LMLN: variants seen among roughly 807,000 people sequenced by gnomAD.
LMLN encodes the protein leishmanolysin like peptidase.
Under a neutral mutation model 92.3 loss-of-function variants are expected in LMLN, and 70 were observed. That is an observed-to-expected ratio of 0.76 (90% CI 0.63 to 0.92). The LOEUF (loss-of-function observed/expected upper bound fraction) is 0.92. Among genes scored for constraint, LMLN ranks in the 40% least tolerant of loss-of-function variants. The pLI is 0.00. For missense variants in LMLN, 691 were observed against 814.6 expected, an observed-to-expected ratio of 0.85 and a Z score of 1.85; for synonymous variants, 308 against 296.2, an observed-to-expected ratio of 1.04 and a Z score of -0.41.
intron 1 of LMLN, among the ~76,000 whole-genome samples, chr3:197,966,601 C>T (rs1721068129): frequency 6.6e-6 from 1 of 151,202 alleles, no homozygotes; most frequent in Non-Finnish European, 1.5e-5. Flanking sequence ...GTCTTTCCTG[C>T]ACCAGTTGAT....
intron 8 of LMLN, among the ~76,000 whole-genome samples, chr3:197,988,164 T>G (rs891097582): frequency 6.6e-6 from 1 of 151,954 alleles, no homozygotes; most frequent in African/African-American, 2.4e-5. Context: ...ATCTTTTTTT[T>G]TTTGAGATGG....
At chr3:197,994,295 C>G (rs1351881867) in intron 9 of LMLN, among the ~76,000 whole-genome samples, 1 of 152,004 alleles carries the variant, frequency 6.6e-6, no homozygotes, top group Admixed American at 6.6e-5. Flanking sequence ...GAAGCCTCTG[C>G]ACAGCAAAGG....
chr3:197,962,767 CT>C (rs200108423), intron 1 of LMLN, among the ~76,000 whole-genome samples: 1,464 of 135,308 alleles, frequency 0.011, 8 homozygotes, highest in African/African-American at 0.021. Context: ...GATCAATATC[CT>C]TTTTTTTTTT....
intron 11 of LMLN, among the ~76,000 whole-genome samples, chr3:198,015,327 C>T (rs541496317): frequency 3.0e-3 from 66 of 22,336 alleles, no homozygotes; most frequent in African/African-American, 0.013. Flanking sequence ...CTTCAGAGCC[C>T]CCTAACTAGT....
At chr3:197,985,513 A>T (rs1721681017) in intron 7 of LMLN, 1 of 210,260 alleles carries the variant, frequency 4.8e-6, no homozygotes, top group Non-Finnish European at 9.5e-6. Context: ...ATTATACGAC[A>T]GTAATTAATG....
intron 11 of LMLN, among the ~76,000 whole-genome samples, chr3:198,005,325 A>T (rs1003768223): frequency 2.0e-5 from 3 of 151,942 alleles, no homozygotes; most frequent in Non-Finnish European, 4.4e-5. Context: ...CATATCATAC[A>T]TGTATATATA....
chr3:197,985,918 T>G, intron 8 of LMLN, 28 bp downstream of exon 8: 1 of 1,391,672 alleles, frequency 7.2e-7, no homozygotes, highest in Non-Finnish European at 1.0e-6. Context: ...GCTCTTGTTC[T>G]CCTCTTTTAG....
At position 197,976,735 on chromosome 3, in the gene LMLN, G is replaced by A. The variant is rs556399370; in HGVS notation, c.549+20G>A. On this transcript the variant is annotated intron_variant, in intron 5 of 15. Transcript: ENST00000330198. ...CTCCAGGTATTTCACCCTGCTCTTG[G>A]CAGTGCTTTTACACCTGAGGAGATT... The A allele has an allele frequency of 3.8e-6, 5 of 1,307,236 alleles. No homozygotes were observed. In the South Asian group the frequency reaches 7.3e-5, roughly 19 times the overall value. 81.0% of individuals were successfully genotyped at this position (1,307,236 alleles called of 1,614,324 possible). A position where few individuals can be genotyped will look rare whatever the true frequency, so the allele number is the denominator to read the frequency against.
intron 9 of LMLN, among the ~76,000 whole-genome samples, chr3:197,993,956 TTGATTA>T (rs1721951015): frequency 6.6e-6 from 1 of 152,154 alleles, no homozygotes; most frequent in African/African-American, 2.4e-5. Flanking sequence ...ATTTATTGAC[TTGATTA>T]TGATTAACCA....
chr3:198,005,643 T>C (rs2109908545), intron 11 of LMLN, among the ~76,000 whole-genome samples: 1 of 150,940 alleles, frequency 6.6e-6, no homozygotes, highest in East Asian at 1.9e-4. Context: ...TTTTTCTTTT[T>C]TTTTTTTTTG....
intron 11 of LMLN, among the ~76,000 whole-genome samples, chr3:198,012,997 C>T (rs1385464801): frequency 8.3e-6 from 1 of 120,032 alleles, no homozygotes; most frequent in Non-Finnish European, 1.6e-5. Context: ...TCAGAGTCCC[C>T]TAACTAGTCT....
At chr3:197,984,826 C>T (rs2109872639) in intron 7 of LMLN, among the ~76,000 whole-genome samples, 1 of 151,746 alleles carries the variant, frequency 6.6e-6, no homozygotes, top group East Asian at 2.0e-4. Context: ...CAGGCACGCA[C>T]CACCATGCCC....
At chr3:197,983,686 G>C (rs185469175) in intron 6 of LMLN, among the ~76,000 whole-genome samples, 1 of 152,106 alleles carries the variant, frequency 6.6e-6, no homozygotes, top group Admixed American at 6.5e-5. Context: ...GTTCTTTTTT[G>C]GGTATTATAT....
At chr3:197,984,892 G>T (rs1721659175) in intron 7 of LMLN, among the ~76,000 whole-genome samples, 1 of 151,906 alleles carries the variant, frequency 6.6e-6, no homozygotes, top group Non-Finnish European at 1.5e-5. Context: ...GCCCAGGCAG[G>T]TCTTGAACTC....
At chr3:197,975,398 T>C (rs1228270739) in intron 3 of LMLN, among the ~76,000 whole-genome samples, 1 of 152,256 alleles carries the variant, frequency 6.6e-6, no homozygotes, top group Non-Finnish European at 1.5e-5. Context: ...CACTGTTCTC[T>C]TGGTGGAAAT....
At position 197,980,567 on chromosome 3, in the gene LMLN, A is replaced by G. The variant is rs1419040291; in HGVS notation, c.728+63A>G. 2.0e-6 allele frequency: 3 copies of G among 1,465,442 alleles called. No individual in the cohort carries two copies. The Admixed American group carries it at 5.6e-5, about 27-fold the overall frequency. The allele number at this position is 1,465,442 out of a possible 1,614,324, so 90.8% of individuals were successfully genotyped here. On this transcript the variant is annotated intron_variant, in intron 6 of 15. Coordinates refer to ENST00000330198, the Ensembl canonical transcript of LMLN. ...TGTGGGAACTCTTAAAGCAAACTGT[A>G]TTTTTAGTGTTAAGATTACAGGAAT...
At chr3:197,972,577 G>C (rs1010610918) in intron 1 of LMLN, among the ~76,000 whole-genome samples, 21 of 151,974 alleles carry the variant, frequency 1.4e-4, no homozygotes. Context: ...TCTATTCCCT[G>C]CTTTTTCCCC....
At chr3:197,994,437 T>C (rs2109889594) in intron 9 of LMLN, among the ~76,000 whole-genome samples, 1 of 152,218 alleles carries the variant, frequency 6.6e-6, no homozygotes, top group East Asian at 1.9e-4. Context: ...TTTAAAAAAA[T>C]GGGCCAAGGA....
At chr3:197,972,099 C>T (rs1256374973) in intron 1 of LMLN, among the ~76,000 whole-genome samples, 1 of 151,158 alleles carries the variant, frequency 6.6e-6, no homozygotes, top group South Asian at 2.1e-4. Context: ...CTGTCTTGCT[C>T]TGTCACCCAG....
Sources: gnomAD v4.1 joint callset for allele counts (sites outside exome capture counted in the v4.1 genomes callset) on GRCh38, gnomAD v4.1.1 for gene constraint, MANE v1.5 for transcripts, NCBI Gene and HGNC (gene_info 2026-07-23, HGNC 2026-07-21) for gene names.